The following NPIPB2 variants were observed in gnomAD, a reference collection of about 807,000 sequenced individuals.
NPIPB2 encodes the protein nuclear pore complex-interacting protein family member B2.
Under a neutral mutation model 30.8 loss-of-function variants are expected in NPIPB2, and 27 were observed. That is an observed-to-expected ratio of 0.88 (90% CI 0.65 to 1.21). NPIPB2 has a LOEUF of 1.21. Among genes scored for constraint, NPIPB2 ranks in the 50% most tolerant of loss-of-function variants. The pLI, the probability that NPIPB2 is intolerant of heterozygous loss-of-function variation, is 0.00. For synonymous variants in NPIPB2, 147 were observed against 162.0 expected, an observed-to-expected ratio of 0.91 and a Z score of 0.70; for missense variants, 440 against 446.2, an observed-to-expected ratio of 0.99 and a Z score of 0.13.
At chr16:11,967,540 G>T in intron 1 of NPIPB2, 1 of 1,596,966 alleles carries the variant, frequency 6.3e-7, no homozygotes. Context: ...TGTGAAGTTT[G>T]GGTTAATGTT....
intron 1 of NPIPB2, among the ~76,000 whole-genome samples, chr16:11,948,731 C>T (rs1423616105): frequency 1.6e-5 from 2 of 125,538 alleles, no homozygotes; most frequent in Admixed American, 9.9e-5. Context: ...CCCGCCACTG[C>T]ACTCCAGCCT....
At chr16:11,947,498 C>G (rs760075667) in intron 1 of NPIPB2, among the ~76,000 whole-genome samples, 38 of 151,614 alleles carry the variant, frequency 2.5e-4, no homozygotes, top group Non-Finnish European at 5.0e-4. Flanking sequence ...GCGCACGATG[C>G]CACGCCCCGC....
At chr16:11,927,512 G>T (rs755415653) in exon 8 of NPIPB2, 2 of 1,541,742 alleles carry the variant, frequency 1.3e-6, no homozygotes, top group Non-Finnish European at 8.8e-7. Flanking sequence ...CCGCCTCTTG[G>T]GTTCGGGTGG....
At chr16:11,973,589 CAG>C (rs1303778948) in intron 1 of NPIPB2, among the ~76,000 whole-genome samples, 1 of 152,120 alleles carries the variant, frequency 6.6e-6, no homozygotes, top group Admixed American at 6.6e-5. Flanking sequence ...TTTTTTGAGA[CAG>C]AGTTTTGTTC....
intron 1 of NPIPB2, among the ~76,000 whole-genome samples, chr16:11,954,452 T>G (rs1242839430): frequency 6.7e-6 from 1 of 148,706 alleles, no homozygotes; most frequent in Non-Finnish European, 1.5e-5. Context: ...CACTCCAGCC[T>G]GGGTGACAGA....
intron 1 of NPIPB2, among the ~76,000 whole-genome samples, chr16:11,940,514 G>A (rs1168752982): frequency 2.0e-5 from 3 of 148,900 alleles, no homozygotes; most frequent in South Asian, 2.1e-4. Context: ...TGAGGCAGGC[G>A]GATCACGAGG....
At chr16:11,939,344 G>A (rs1321945971) in intron 1 of NPIPB2, among the ~76,000 whole-genome samples, 1 of 151,916 alleles carries the variant, frequency 6.6e-6, no homozygotes, top group East Asian at 1.9e-4. Flanking sequence ...GGTGGACCAC[G>A]AGATCAGGAG....
chr16:11,946,032 A>AG (rs2055004282), upstream of NPIPB2, among the ~76,000 whole-genome samples: 1 of 151,616 alleles, frequency 6.6e-6, no homozygotes, highest in Admixed American at 6.6e-5. Context: ...CAAAAAAAAA[A>AG]AAAAGAAAAG....
At chr16:11,960,737 A>C (rs2055147320) in intron 1 of NPIPB2, among the ~76,000 whole-genome samples, 1 of 151,534 alleles carries the variant, frequency 6.6e-6, no homozygotes, top group South Asian at 2.1e-4. Flanking sequence ...TCAGGGACAC[A>C]CTCAAAGGCC....
intron 1 of NPIPB2, among the ~76,000 whole-genome samples, chr16:11,959,184 C>T (rs1291249370): frequency 2.0e-5 from 3 of 152,086 alleles, no homozygotes; most frequent in Non-Finnish European, 4.4e-5. Context: ...CTGGATTCCT[C>T]ACTGTTCCTT....
chr16:11,967,738 T>G (rs151074854), intron 1 of NPIPB2: 441 of 1,614,112 alleles, frequency 2.7e-4, no homozygotes, highest in Admixed American at 3.0e-4. Context: ...CTCCCAGCTA[T>G]GGAGGAAGGC....
chr16:11,960,355 T>G, intron 1 of NPIPB2, among the ~76,000 whole-genome samples: 1 of 74,244 alleles, frequency 1.3e-5, no homozygotes, highest in South Asian at 8.5e-4. Flanking sequence ...ATGGTTCCCT[T>G]TTTTTTTTTT....
At chr16:11,947,296 TTTTATTTATTTA>T (rs146457872) in intron 1 of NPIPB2, among the ~76,000 whole-genome samples, 107 of 135,956 alleles carry the variant, frequency 7.9e-4, no homozygotes, top group African/African-American at 2.6e-3. Flanking sequence ...CATACACATA[TTTTATTTATTTA>T]TTTATTTATT....
At chr16:11,951,354 C>T (rs2055059716) in intron 1 of NPIPB2, among the ~76,000 whole-genome samples, 2 of 146,962 alleles carry the variant, frequency 1.4e-5, no homozygotes, top group Admixed American at 1.4e-4. Flanking sequence ...GTCCCAGCTA[C>T]TCGGGAGGCT....
chr16:11,971,451 G>A (rs574816132), intron 1 of NPIPB2, among the ~76,000 whole-genome samples: 2 of 151,116 alleles, frequency 1.3e-5, no homozygotes, highest in Non-Finnish European at 2.9e-5. Context: ...GTGGGGTGGT[G>A]GGGGGGTGGG....
intron 4 of NPIPB2, among the ~76,000 whole-genome samples, chr16:11,932,963 TAAA>T (rs770388601): frequency 8.2e-6 from 1 of 121,572 alleles, no homozygotes. Context: ...ATCTCAAAAT[TAAA>T]AAAAAAAAAA....
intron 1 of NPIPB2, among the ~76,000 whole-genome samples, chr16:11,975,120 T>G (rs2055266124): frequency 1.4e-5 from 2 of 140,722 alleles, no homozygotes; most frequent in Non-Finnish European, 1.5e-5. Flanking sequence ...GTCACACTTG[T>G]GTTCACACTC....
intron 1 of NPIPB2, chr16:11,967,711 C>A: frequency 6.2e-7 from 1 of 1,614,206 alleles, no homozygotes; most frequent in Non-Finnish European, 8.5e-7. Flanking sequence ...AAGGTCGACT[C>A]TGACCATTGC....
At chr16:11,950,529 AG>A (rs2055052549) in intron 1 of NPIPB2, among the ~76,000 whole-genome samples, 1 of 152,238 alleles carries the variant, frequency 6.6e-6, no homozygotes, top group South Asian at 2.1e-4. Context: ...TTCTCTTCTG[AG>A]GAAAGGAGGA....
Sources: allele counts gnomAD v4.1 joint callset (sites outside exome capture counted in the v4.1 genomes callset), GRCh38; gene constraint gnomAD v4.1.1; transcripts MANE v1.5; gene names NCBI Gene and HGNC (gene_info 2026-07-23, HGNC 2026-07-21).